Variants in HIPK3 observed in about 807,000 individuals in gnomAD.
HIPK3 encodes homeodomain-interacting protein kinase 3.
Under a neutral mutation model 124.2 loss-of-function variants are expected in HIPK3, and 47 were observed. The observed-to-expected ratio is 0.38, with a 90% confidence interval of 0.30 to 0.48. HIPK3 has a LOEUF of 0.48. HIPK3 is among the 20% of genes least tolerant of loss of function. The probability of loss-of-function intolerance (pLI) is 0.98; values close to 1 mark genes in which losing one functional copy is unlikely to be tolerated. For synonymous variants in HIPK3, 482 were observed against 515.2 expected (o/e 0.94, Z 0.87); for missense variants, 1,286 against 1,454.3 (o/e 0.88, Z 1.88).
intron 4 of HIPK3, among the ~76,000 whole-genome samples, chr11:33,338,314 A>G (rs984416782): frequency 8.6e-5 from 13 of 151,988 alleles, no homozygotes; most frequent in African/African-American, 2.7e-4. Flanking sequence ...GTTCACTGCA[A>G]CCTCCGCCTC....
intron 2 of HIPK3, among the ~76,000 whole-genome samples, chr11:33,312,614 C>G (rs1224323119): frequency 2.0e-5 from 3 of 152,160 alleles, no homozygotes; most frequent in Admixed American, 2.0e-4. Context: ...TTCCAGTCTT[C>G]TTAACAGAGT....
intron 2 of HIPK3, among the ~76,000 whole-genome samples, chr11:33,321,818 A>C (rs1025223312): frequency 6.6e-6 from 1 of 152,160 alleles, no homozygotes; most frequent in Non-Finnish European, 1.5e-5. Context: ...TGTTTTAAAA[A>C]TGAAAATACT....
At chr11:33,318,695 T>A (rs1852577527) in intron 2 of HIPK3, among the ~76,000 whole-genome samples, 1 of 152,184 alleles carries the variant, frequency 6.6e-6, no homozygotes, top group Admixed American at 6.5e-5. Context: ...TCCCCTTTTC[T>A]TTTGATTGTC....
At chr11:33,258,199 GCCTC>G in intron 1 of HIPK3, 21 of 636,518 alleles carry the variant, frequency 3.3e-5, no homozygotes, top group Non-Finnish European at 3.9e-5. Context: ...GGGCCCGGGG[GCCTC>G]GGCCCCCCCT....
intron 3 of HIPK3, among the ~76,000 whole-genome samples, chr11:33,332,245 T>G (rs1234190047): frequency 1.3e-5 from 2 of 152,238 alleles, no homozygotes; most frequent in Non-Finnish European, 2.9e-5. Context: ...GTTGAAAATT[T>G]ATAATTTCAT....
intron 1 of HIPK3, among the ~76,000 whole-genome samples, chr11:33,283,387 G>A (rs1590355076): frequency 6.6e-6 from 1 of 152,262 alleles, no homozygotes; most frequent in Admixed American, 6.5e-5. Flanking sequence ...TGGGATTACA[G>A]GCGTGACCCA....
chr11:33,284,354 A>G (rs1456340564), intron 1 of HIPK3, among the ~76,000 whole-genome samples: 1 of 152,260 alleles, frequency 6.6e-6, no homozygotes, highest in African/African-American at 2.4e-5. Context: ...TGTAATCGCA[A>G]AATGAGAAGA....
At chr11:33,309,750 T>C (rs1174381685) in intron 2 of HIPK3, among the ~76,000 whole-genome samples, 3 of 152,226 alleles carry the variant, frequency 2.0e-5, no homozygotes, top group Non-Finnish European at 2.9e-5. Context: ...TTTTATCTTA[T>C]GAGGCAATTC....
rs556186853 is a variant in HIPK3 at position 33,333,529 on chromosome 11, G to A, written c.1222-3546G>A. Reference sequence around the variant, plus strand: ...GTTCATGAGGCCAGTTTAGAATTATGTGTCAGATTCCCATTCTTCATCCAC... The same window carrying A: ...GTTCATGAGGCCAGTTTAGAATTATATGTCAGATTCCCATTCTTCATCCAC... On this transcript the variant is annotated intron_variant, in intron 3 of 16. Coordinates refer to ENST00000303296, the MANE Select transcript of HIPK3 (RefSeq NM_005734.5). Among the ~76,000 whole-genome samples, 4 of 152,250 alleles carry A rather than the reference G, an allele frequency of 2.6e-5. No individual in the cohort carries two copies. In the East Asian group the frequency reaches 7.7e-4, roughly 29 times the overall value.
chr11:33,257,612 C>G lies in HIPK3; in HGVS notation c.-280C>G. 6 of 988,470 alleles carry G rather than the reference C, an allele frequency of 6.1e-6. No individual in the cohort carries two copies. The highest frequency in any genetic ancestry group is 7.2e-6 in the Non-Finnish European group (6 of 831,854). The allele number at this position is 988,470 out of a possible 1,614,324, so 61.2% of individuals were successfully genotyped here. A position where few individuals can be genotyped will look rare whatever the true frequency, so the allele number is the denominator to read the frequency against. On this transcript the variant is annotated 5_prime_UTR_variant, in exon 1 of 17. Transcript: ENST00000303296. ...CCTCGCCCTAGCCAAGCCGTCCCCA[C>G]CCCAAATCCCCGGGAAGGAAGATGA...
intron 3 of HIPK3, among the ~76,000 whole-genome samples, chr11:33,331,185 A>G (rs1005518288): frequency 3.9e-5 from 6 of 151,912 alleles, no homozygotes; most frequent in Non-Finnish European, 5.9e-5. Flanking sequence ...GCCTGGCCAC[A>G]TATGTTTCTC....
intron 2 of HIPK3, among the ~76,000 whole-genome samples, chr11:33,302,630 T>C (rs1404450991): frequency 1.3e-5 from 2 of 152,170 alleles, no homozygotes; most frequent in Non-Finnish European, 2.9e-5. Context: ...TCACTGTGCC[T>C]GGCCACTTAT....
intron 6 of HIPK3, among the ~76,000 whole-genome samples, chr11:33,340,645 A>C (rs1047882029): frequency 2.0e-5 from 3 of 152,142 alleles, no homozygotes; most frequent in African/African-American, 7.2e-5. Context: ...TGGTACTGTT[A>C]ATTTAGTGGT....
At chr11:33,314,303 C>G (rs1852432214) in intron 2 of HIPK3, among the ~76,000 whole-genome samples, 1 of 152,044 alleles carries the variant, frequency 6.6e-6, no homozygotes, top group South Asian at 2.1e-4. Flanking sequence ...ATGTATCTAC[C>G]TCAAAGGGTT....
At chr11:33,281,815 G>T (rs928420765) in intron 1 of HIPK3, among the ~76,000 whole-genome samples, 2 of 152,020 alleles carry the variant, frequency 1.3e-5, no homozygotes, top group Admixed American at 1.3e-4. Flanking sequence ...TTTTAAATTG[G>T]TCCATGTGTC....
At position 33,349,160 on chromosome 11, in the gene HIPK3, C is replaced by T. The variant is rs760946894; in HGVS notation, c.2680C>T (p.Leu894=). The T allele has an allele frequency of 6.2e-7, 1 of 1,613,748 alleles. No individual in the cohort carries two copies. Among genetic ancestry groups the T allele is most frequent in the Non-Finnish European group, 8.5e-7 (1 of 1,179,780 alleles). ...RHSLRECKGS[L]DCEACQSTLN... ...CTCTTCCACTAGATGTAAAGGTAGT[C>T]TAGATTGTGAAGCTTGCCAGAGCAC... The change falls in exon 14 of 17, where the codon CTA becomes TTA. Residue 894 remains leucine, a synonymous_variant. Transcript: ENST00000303296.
intron 2 of HIPK3, among the ~76,000 whole-genome samples, chr11:33,316,446 A>C (rs1852506018): frequency 6.6e-6 from 1 of 152,200 alleles, no homozygotes; most frequent in Admixed American, 6.5e-5. Context: ...TATCCTCTAC[A>C]CAGCGATAGA....
chr11:33,341,042 A>G lies in HIPK3; in HGVS notation c.1688A>G (p.Lys563Arg), dbSNP rs1853316757. Residue 563 changes from lysine to arginine, a missense_variant, in exon 7 of 17, where the codon AAA becomes AGA. Coordinates refer to ENST00000303296, the MANE Select transcript of HIPK3 (RefSeq NM_005734.5). ...TCATGTGACACAAATAATCACAACA[A>G]AACTTCACTTTTAAGACCAGTTGCT... ...LNSCDTNNHN[K>R]TSLLRPVASS... is the part of the protein sequence containing the mutation. The G allele has an allele frequency of 6.2e-7, 1 of 1,611,396 alleles. No homozygotes were observed. Among genetic ancestry groups the G allele is most frequent in the African/African-American group, 1.3e-5 (1 of 74,976 alleles).
chr11:33,353,328 G>C lies in HIPK3; in HGVS notation c.3408G>C (p.Leu1136=), dbSNP rs1271301907. 6.2e-7 allele frequency: 1 copy of C among 1,613,998 alleles called. No homozygotes were observed. Among genetic ancestry groups the C allele is most frequent in the Non-Finnish European group, 8.5e-7 (1 of 1,180,000 alleles). ...GTAGTGCTGCACCAGTGGCCCACCT[G>C]TTAGCCTCTCCGTGTACCTCAAGAC... ...TLSSAAPVAH[L]LASPCTSRPM... The change falls in exon 17 of 17, where the codon CTG becomes CTC. Residue 1136 remains leucine (L), a synonymous_variant. Transcript: ENST00000303296.
Sources: allele counts gnomAD v4.1 joint callset (sites outside exome capture counted in the v4.1 genomes callset), GRCh38; gene constraint gnomAD v4.1.1; transcripts MANE v1.5; gene names NCBI Gene and HGNC (gene_info 2026-07-23, HGNC 2026-07-21).